MFSD11: variants seen among roughly 807,000 people sequenced by gnomAD.
MFSD11 encodes major facilitator superfamily domain containing 11, also known as UNC93-like protein MFSD11.
MFSD11 carries 36 observed loss-of-function variants against 53.5 expected under a neutral mutation model. The ratio of observed to expected loss-of-function variants is 0.67; its 90% CI spans 0.52 to 0.89. MFSD11 has a LOEUF of 0.89. Ranked by LOEUF, MFSD11 falls within the 40% of genes least tolerant of loss-of-function variation. The pLI is 0.00. For synonymous variants in MFSD11, 186 were observed against 184.9 expected (o/e 1.01, Z -0.05); for missense variants, 530 against 543.9 (o/e 0.97, Z 0.25).
chr17:76,738,737 C>T (rs1568035582), intron 1 of MFSD11, among the ~76,000 whole-genome samples: 1 of 152,186 alleles, frequency 6.6e-6, no homozygotes, highest in Non-Finnish European at 1.5e-5. Flanking sequence ...ATGGTTACAG[C>T]TGCTTTTCCT....
chr17:76,756,266 G>T (rs1284109454), intron 8 of MFSD11, among the ~76,000 whole-genome samples: 1 of 151,622 alleles, frequency 6.6e-6, no homozygotes, highest in African/African-American at 2.4e-5. Context: ...GGGACTACAG[G>T]CACGTGCCAC....
At chr17:76,740,686 G>A (rs765879006) in intron 2 of MFSD11, among the ~76,000 whole-genome samples, 1 of 152,158 alleles carries the variant, frequency 6.6e-6, no homozygotes, top group African/African-American at 2.4e-5. Context: ...AAGGTACTTG[G>A]CACAGTTCCT....
At chr17:76,759,623 G>GT (rs1555671384) in intron 8 of MFSD11, among the ~76,000 whole-genome samples, 1 of 151,668 alleles carries the variant, frequency 6.6e-6, no homozygotes, top group Non-Finnish European at 1.5e-5. Flanking sequence ...CCTGGCTAAT[G>GT]TTTTTTTGTA....
At chr17:76,754,395 G>T (rs1037356135) in intron 8 of MFSD11, among the ~76,000 whole-genome samples, 3 of 152,156 alleles carry the variant, frequency 2.0e-5, no homozygotes, top group African/African-American at 7.2e-5. Flanking sequence ...ATTAAGAGCA[G>T]ATTGTGGCTG....
At chr17:76,737,631 C>T (rs1425529013), upstream of MFSD11, 1 of 205,278 alleles carries the variant, frequency 4.9e-6, no homozygotes, top group Admixed American at 5.7e-5. Context: ...AGGTGCTCCC[C>T]ATCTGGGCCC....
At chr17:76,780,302 T>A (rs534057932), downstream of MFSD11, among the ~76,000 whole-genome samples, 3 of 152,278 alleles carry the variant, frequency 2.0e-5, no homozygotes, top group South Asian at 4.1e-4. Flanking sequence ...GAACATTTCA[T>A]GTAAATGAGA....
At chr17:76,794,284 G>T in the MFSD11 span, among the ~76,000 whole-genome samples, 3 of 151,052 alleles carry the variant, frequency 2.0e-5, no homozygotes, top group Non-Finnish European at 4.4e-5. Flanking sequence ...AGGAGTTCGA[G>T]ACCAGCCTGG....
chr17:76,748,951 T>G (rs1003601181), intron 7 of MFSD11, among the ~76,000 whole-genome samples: 2 of 152,096 alleles, frequency 1.3e-5, no homozygotes, highest in African/African-American at 2.4e-5. Flanking sequence ...TATTTGAGGT[T>G]CTCTGATATT....
At chr17:76,762,730 A>G (rs1194140290) in intron 8 of MFSD11, among the ~76,000 whole-genome samples, 1 of 152,100 alleles carries the variant, frequency 6.6e-6, no homozygotes, top group Non-Finnish European at 1.5e-5. Flanking sequence ...ATTAATTGAC[A>G]AAGGCTTGAG....
At chr17:76,777,344 C>A (rs1422246255) in intron 12 of MFSD11, among the ~76,000 whole-genome samples, 1 of 151,296 alleles carries the variant, frequency 6.6e-6, no homozygotes, top group Admixed American at 6.6e-5. Flanking sequence ...TGGCTCAGTG[C>A]AATCTCTGCC....
At chr17:76,781,850 CTTGCT>C (rs971003303), downstream of MFSD11, among the ~76,000 whole-genome samples, 1 of 152,154 alleles carries the variant, frequency 6.6e-6, no homozygotes, top group Non-Finnish European at 1.5e-5. Flanking sequence ...GAGACAGGGT[CTTGCT>C]TTGTTGCCCA....
In MFSD11 at chr17:76,765,278, T is replaced by C. The variant is rs200017583; in HGVS notation, c.683-2108T>C. Among the ~76,000 whole-genome samples, 5 of 152,216 alleles carry C rather than the reference T, an allele frequency of 3.3e-5. No individual in the cohort carries two copies. The East Asian group carries it at 9.6e-4, about 29-fold the overall frequency. On this transcript the variant is annotated intron_variant, in intron 8 of 12. Transcript: ENST00000685175. Reference sequence around the variant, plus strand: ...GAAAAGTCTGTTTTTTTGTCACTCTTGTCAAAAATCAATTGACTGTAGATA... The same window carrying C: ...GAAAAGTCTGTTTTTTTGTCACTCTCGTCAAAAATCAATTGACTGTAGATA...
intron 10 of MFSD11, among the ~76,000 whole-genome samples, chr17:76,770,970 C>T (rs377047825): frequency 6.4e-4 from 98 of 152,258 alleles, no homozygotes; most frequent in African/African-American, 2.2e-3. Flanking sequence ...TTTGGGAGGC[C>T]GAGGTGGGAG....
At chr17:76,755,192 G>A (rs946524014) in intron 8 of MFSD11, among the ~76,000 whole-genome samples, 1 of 151,902 alleles carries the variant, frequency 6.6e-6, no homozygotes, top group Non-Finnish European at 1.5e-5. Flanking sequence ...ACTCCAGCCT[G>A]GGCAGCTGTG....
chr17:76,785,837 T>C (rs2082267437), downstream of MFSD11, among the ~76,000 whole-genome samples: 4 of 151,890 alleles, frequency 2.6e-5, no homozygotes, highest in South Asian at 8.3e-4. Flanking sequence ...TCCCAGCGCT[T>C]TGGGAGGCCA....
chr17:76,743,015 A>G lies in MFSD11; in HGVS notation c.438-383A>G, dbSNP rs75173893. The stretch of plus-strand genomic sequence containing the variant: ...TTTTTCAGGAAAGTATGCTAAAGAA[A>G]GTATTTGATTAGATGCAGATAACTA... On this transcript the variant is annotated intron_variant, in intron 5 of 12. Coordinates refer to ENST00000685175, the MANE Select transcript of MFSD11 (RefSeq NM_001242532.5). Among the ~76,000 whole-genome samples, 1,037 of 152,362 alleles carry G rather than the reference A, an allele frequency of 6.8e-3. 12 individuals are homozygous for G. Among genetic ancestry groups the G allele is most frequent in the African/African-American group, 0.024 (987 of 41,580 alleles).
chr17:76,792,583 AG>A, the MFSD11 span, among the ~76,000 whole-genome samples: 1 of 151,510 alleles, frequency 6.6e-6, no homozygotes, highest in East Asian at 1.9e-4. Context: ...AGAGCAGGTA[AG>A]TGCAGATAAG....
chr17:76,744,377 A>G lies in MFSD11; in HGVS notation c.552A>G (p.Thr184=), dbSNP rs1412050161. ...TAACGGTGATTAGCCTTGTGGGGAC[A>G]GTTCTATTCTTTCTCATTCGGAAAC... ...IALTVISLVG[T]VLFFLIRKPD... The change falls in exon 7 of 13, where the codon ACA becomes ACG. Residue 184 remains threonine (T), a synonymous_variant. Transcript: ENST00000685175. 5.0e-6 allele frequency: 8 copies of G among 1,614,072 alleles called. No individual in the cohort carries two copies. Among genetic ancestry groups the G allele is most frequent in the Non-Finnish European group, 6.8e-6 (8 of 1,179,930 alleles).
chr17:76,795,453 TA>T, the MFSD11 span, among the ~76,000 whole-genome samples: 1 of 151,610 alleles, frequency 6.6e-6, no homozygotes, highest in African/African-American at 2.4e-5. Context: ...TGCACCACTG[TA>T]CTCCAGCCTG....
Sources: gnomAD v4.1 joint callset for allele counts (sites outside exome capture counted in the v4.1 genomes callset) on GRCh38, gnomAD v4.1.1 for gene constraint, MANE v1.5 for transcripts, NCBI Gene and HGNC (gene_info 2026-07-23, HGNC 2026-07-21) for gene names.